STXBP5L: variants seen among roughly 807,000 people sequenced by gnomAD.
STXBP5L encodes the protein syntaxin binding protein 5L.
In STXBP5L, 65 loss-of-function variants were observed where a neutral mutation model predicts 144.5. The observed-to-expected ratio is 0.45, with a 90% CI of 0.37 to 0.55. The LOEUF is 0.55. Among genes scored for constraint, STXBP5L ranks in the 20% least tolerant of loss-of-function variants. The pLI is 0.00. For synonymous variants in STXBP5L, 505 were observed against 469.6 expected (o/e 1.08, Z -0.97); for missense variants, 1,298 against 1,405.5 (o/e 0.92, Z 1.22).
At chr3:120,932,551 A>G (rs989540317) in intron 2 of STXBP5L, among the ~76,000 whole-genome samples, 1 of 151,416 alleles carries the variant, frequency 6.6e-6, no homozygotes, top group Admixed American at 6.6e-5. Context: ...ATTTTAAAAA[A>G]TTAAACTGTT....
At chr3:121,344,487 C>T (rs1038917255) in intron 20 of STXBP5L, among the ~76,000 whole-genome samples, 5 of 151,888 alleles carry the variant, frequency 3.3e-5, no homozygotes, top group African/African-American at 1.2e-4. Context: ...TTATCTTCAG[C>T]CAACAAAAAG....
intron 10 of STXBP5L, among the ~76,000 whole-genome samples, chr3:121,210,457 G>A (rs972905202): frequency 5.9e-5 from 9 of 151,992 alleles, no homozygotes; most frequent in African/African-American, 1.7e-4. Context: ...TGTCAGTTTT[G>A]GCTTTTGTTG....
intron 20 of STXBP5L, among the ~76,000 whole-genome samples, chr3:121,343,898 C>T (rs1223096463): frequency 6.6e-6 from 1 of 152,070 alleles, no homozygotes; most frequent in African/African-American, 2.4e-5. Context: ...GAAAAAACTA[C>T]TTTAAAGTTC....
At chr3:120,968,854 C>CT (rs1280140730) in intron 3 of STXBP5L, among the ~76,000 whole-genome samples, 2 of 152,110 alleles carry the variant, frequency 1.3e-5, no homozygotes, top group African/African-American at 4.8e-5. Flanking sequence ...CCCGCTCCAT[C>CT]TAAGTTCCTG....
intron 3 of STXBP5L, among the ~76,000 whole-genome samples, chr3:121,034,839 A>C (rs970260843): frequency 6.6e-6 from 1 of 152,156 alleles, no homozygotes. Context: ...TTTTCCCACC[A>C]ACAATGTGTA....
intron 9 of STXBP5L, among the ~76,000 whole-genome samples, chr3:121,180,644 G>C (rs1434607957): frequency 6.6e-6 from 1 of 152,186 alleles, no homozygotes; most frequent in African/African-American, 2.4e-5. Flanking sequence ...GCAGGCCGAG[G>C]CAGGTGGATC....
At chr3:121,371,767 A>G (rs1032682495) in intron 20 of STXBP5L, among the ~76,000 whole-genome samples, 12 of 152,332 alleles carry the variant, frequency 7.9e-5, no homozygotes, top group African/African-American at 2.9e-4. Flanking sequence ...GCCCAGTGCC[A>G]AGGCCAGGGC....
intron 3 of STXBP5L, among the ~76,000 whole-genome samples, chr3:120,963,965 A>T (rs755488344): frequency 1.1e-4 from 16 of 152,162 alleles, no homozygotes; most frequent in Non-Finnish European, 2.1e-4. Flanking sequence ...TTATTGGTCT[A>T]TTCAGAGATT....
chr3:121,126,428 T>C (rs2044706491), intron 7 of STXBP5L, among the ~76,000 whole-genome samples: 1 of 152,128 alleles, frequency 6.6e-6, no homozygotes, highest in Admixed American at 6.6e-5. Context: ...TGAAGTTAGG[T>C]TGTCTCCTGT....
chr3:120,909,419 C>G (rs1174758788), intron 1 of STXBP5L, among the ~76,000 whole-genome samples, 152 bp from the exon 2 acceptor site: 5 of 152,074 alleles, frequency 3.3e-5, no homozygotes, highest in East Asian at 1.9e-4. Flanking sequence ...TTTGGCAAAA[C>G]GAATCCTGAC....
chr3:120,969,217 C>G (rs893567148), intron 3 of STXBP5L, among the ~76,000 whole-genome samples: 1 of 151,166 alleles, frequency 6.6e-6, no homozygotes, highest in Non-Finnish European at 1.5e-5. Flanking sequence ...TTTTTTTTAA[C>G]TTTTAATTTA....
intron 9 of STXBP5L, among the ~76,000 whole-genome samples, chr3:121,175,776 A>C (rs1419759922): frequency 6.6e-6 from 1 of 152,042 alleles, no homozygotes; most frequent in African/African-American, 2.4e-5. Flanking sequence ...TCTAACATTC[A>C]ATTTTGAAAA....
chr3:120,977,542 A>C (rs1026845629), intron 3 of STXBP5L, among the ~76,000 whole-genome samples: 1 of 152,136 alleles, frequency 6.6e-6, no homozygotes, highest in South Asian at 2.1e-4. Flanking sequence ...TAGTCCTTTT[A>C]CATTGAAAGT....
chr3:121,109,897 A>G (rs2043899066), intron 5 of STXBP5L, among the ~76,000 whole-genome samples: 1 of 152,176 alleles, frequency 6.6e-6, no homozygotes, highest in African/African-American at 2.4e-5. Context: ...TTGCTCTTGA[A>G]GTGAGGCATA....
rs558335129 is a variant in STXBP5L at position 121,034,543 on chromosome 3, A to G, written c.288-7157A>G. Among the ~76,000 whole-genome samples the G allele has an allele frequency of 4.6e-5, 7 of 150,850 alleles. No individual in the cohort carries two copies. In the South Asian group the frequency reaches 1.3e-3, roughly 27 times the overall value. On this transcript the variant is annotated intron_variant, in intron 3 of 26. Coordinates refer to ENST00000471454, the MANE Select transcript of STXBP5L (RefSeq NM_001308330.2). ...ATATCATCTATCTATCTATCTATCT[A>G]TCATCTATCTATCCATCCATCCATC...
chr3:120,964,339 T>C (rs1024903165), intron 3 of STXBP5L, among the ~76,000 whole-genome samples: 2 of 152,230 alleles, frequency 1.3e-5, no homozygotes, highest in African/African-American at 4.8e-5. Context: ...TTGCTCTTGC[T>C]TCTCTAGTTA....
intron 26 of STXBP5L, 72 bp downstream of exon 26, chr3:121,418,629 A>G: frequency 7.1e-7 from 1 of 1,406,554 alleles, no homozygotes; most frequent in South Asian, 1.3e-5. Context: ...TGCACAAGAA[A>G]GCTTAAACAG....
At chr3:121,063,465 T>G (rs1920547) in intron 5 of STXBP5L, among the ~76,000 whole-genome samples, 72,188 of 151,904 alleles carry the variant, frequency 0.48, 17,750 homozygotes, top group African/African-American at 0.56. Context: ...CAGTCAGGAG[T>G]TATGGGGGTT....
At chr3:121,309,874 A>T (rs2043466587) in intron 19 of STXBP5L, among the ~76,000 whole-genome samples, 1 of 152,214 alleles carries the variant, frequency 6.6e-6, no homozygotes, top group African/African-American at 2.4e-5. Flanking sequence ...TAACTAAAAT[A>T]CTCTTGGAAA....
Sources: allele counts gnomAD v4.1 joint callset (sites outside exome capture counted in the v4.1 genomes callset), GRCh38; gene constraint gnomAD v4.1.1; transcripts MANE v1.5; gene names NCBI Gene and HGNC (gene_info 2026-07-23, HGNC 2026-07-21).